Variants in RBM27 observed in about 807,000 individuals in gnomAD.
RBM27 encodes RNA-binding protein 27.
A neutral mutation model predicts 135.3 loss-of-function variants in RBM27; 22 were observed. The ratio of observed to expected loss-of-function variants is 0.16; its 90% CI spans 0.12 to 0.23. The LOEUF (loss-of-function observed/expected upper bound fraction) is 0.23. RBM27 is among the 10% of genes least tolerant of loss of function. RBM27 has a pLI of 1.00. For synonymous variants in RBM27, 481 were observed against 442.4 expected (o/e 1.09, Z -1.10); for missense variants, 1,009 against 1,281.0 (o/e 0.79, Z 3.24).
At chr5:146,239,533 A>G (rs899157301) in intron 8 of RBM27, among the ~76,000 whole-genome samples, 4 of 131,870 alleles carry the variant, frequency 3.0e-5, no homozygotes, top group Non-Finnish European at 4.6e-5. Context: ...GCTGGAGTAC[A>G]GTGGTGCAAT....
chr5:146,235,026 T>C (rs1006109539), intron 7 of RBM27, among the ~76,000 whole-genome samples: 9 of 70,340 alleles, frequency 1.3e-4, no homozygotes, highest in Admixed American at 4.6e-4. Context: ...AGCCAGACCC[T>C]GTCTCAAAAA....
At chr5:146,261,008 C>T in intron 12 of RBM27, 110 bp downstream of exon 12, 1 of 1,091,908 alleles carries the variant, frequency 9.2e-7, no homozygotes, top group Non-Finnish European at 1.3e-6. Context: ...ATCATCTCTG[C>T]TAAGTGCTGT....
intron 17 of RBM27, 94 bp downstream of exon 17, chr5:146,269,678 A>G (rs1758777661): frequency 1.0e-5 from 8 of 789,510 alleles, no homozygotes; most frequent in African/African-American, 1.8e-5. Flanking sequence ...TAGGTAGCTA[A>G]TATCCTAACA....
intron 17 of RBM27, 105 bp from the exon 18 acceptor site, chr5:146,270,849 T>A (rs1561563794): frequency 2.2e-5 from 15 of 681,544 alleles, no homozygotes; most frequent in Non-Finnish European, 3.7e-5. Flanking sequence ...ATCCTCTCAT[T>A]CTCATGTTCC....
intron 1 of RBM27, among the ~76,000 whole-genome samples, chr5:146,209,963 T>C (rs1310028800): frequency 6.6e-6 from 1 of 152,214 alleles, no homozygotes; most frequent in Non-Finnish European, 1.5e-5. Context: ...AACTATAGGC[T>C]AAAGCCAGAA....
chr5:146,234,654 A>C (rs971101050), intron 7 of RBM27, among the ~76,000 whole-genome samples: 2 of 152,218 alleles, frequency 1.3e-5, no homozygotes, highest in Non-Finnish European at 1.5e-5. Flanking sequence ...ATTTTTAAAA[A>C]GTAATTGAAA....
At position 146,233,562 on chromosome 5, in the gene RBM27, T is replaced by G; in HGVS notation, c.963T>G (p.Pro321=). 1 of 1,611,236 alleles carries G rather than the reference T, an allele frequency of 6.2e-7. No homozygotes were observed. ...TGATTCCTTTCCCACCCCCTCCTCC[T>G]GGGCTTCCTCCTCCACCACCTCCTG... ...PSMIPFPPPP[P]GLPPPPPPGM... is the part of the protein sequence containing the mutation. The change falls in exon 7 of 21, where the codon CCT becomes CCG. Residue 321 remains proline, a synonymous_variant. Coordinates refer to ENST00000265271, the MANE Select transcript of RBM27 (RefSeq NM_018989.2).
chr5:146,264,105 C>CAAAA (rs377296275), intron 14 of RBM27, among the ~76,000 whole-genome samples: 1 of 122,844 alleles, frequency 8.1e-6, no homozygotes, highest in Non-Finnish European at 1.8e-5. Flanking sequence ...GACCCTGTGT[C>CAAAA]AAAAAAAAAA....
chr5:146,227,381 G>A (rs1248985774), intron 3 of RBM27, among the ~76,000 whole-genome samples: 1 of 152,166 alleles, frequency 6.6e-6, no homozygotes, highest in Non-Finnish European at 1.5e-5. Flanking sequence ...TTAGGATAGA[G>A]AATGTTTTTT....
chr5:146,239,412 T>G (rs1186974644), intron 8 of RBM27, among the ~76,000 whole-genome samples: 2 of 151,944 alleles, frequency 1.3e-5, no homozygotes, highest in Non-Finnish European at 2.9e-5. Flanking sequence ...CTACCATTTC[T>G]TTCTGAGCCA....
intron 7 of RBM27, among the ~76,000 whole-genome samples, chr5:146,235,562 A>T (rs1757121554): frequency 6.6e-6 from 1 of 152,214 alleles, no homozygotes; most frequent in Admixed American, 6.5e-5. Flanking sequence ...TCTCAAAAAA[A>T]TTAAAGAATA....
intron 9 of RBM27, among the ~76,000 whole-genome samples, chr5:146,252,357 A>C (rs954744640): frequency 1.1e-4 from 16 of 152,104 alleles, no homozygotes; most frequent in African/African-American, 3.6e-4. Context: ...ACGTATTTTG[A>C]AGGATCTGTG....
At chr5:146,270,534 C>T (rs1758818467) in intron 17 of RBM27, among the ~76,000 whole-genome samples, 1 of 151,968 alleles carries the variant, frequency 6.6e-6, no homozygotes, top group African/African-American at 2.4e-5. Flanking sequence ...ATAAATAATT[C>T]GTCTCTAACA....
chr5:146,251,055 G>A (rs1164063148), intron 8 of RBM27, among the ~76,000 whole-genome samples: 2 of 96,678 alleles, frequency 2.1e-5, no homozygotes, highest in Non-Finnish European at 2.7e-5. Context: ...GATTACAGGC[G>A]TGAGCCACGT....
chr5:146,259,526 A>G (rs1278611884), intron 11 of RBM27, among the ~76,000 whole-genome samples: 1 of 150,868 alleles, frequency 6.6e-6, no homozygotes, highest in East Asian at 1.9e-4. Flanking sequence ...AAAAAAAAAA[A>G]AGGTGGTGTT....
At chr5:146,227,519 G>C (rs1245341119) in intron 3 of RBM27, among the ~76,000 whole-genome samples, 1 of 152,028 alleles carries the variant, frequency 6.6e-6, no homozygotes, top group African/African-American at 2.4e-5. Context: ...TTCCTGATTT[G>C]TGTATTTGTC....
chr5:146,208,931 A>C, intron 1 of RBM27, among the ~76,000 whole-genome samples: 1 of 152,212 alleles, frequency 6.6e-6, no homozygotes, highest in East Asian at 1.9e-4. Context: ...TGTTTTAAAA[A>C]GCATGGTGGG....
chr5:146,223,861 A>G (rs2126725289), intron 3 of RBM27, among the ~76,000 whole-genome samples: 1 of 152,370 alleles, frequency 6.6e-6, no homozygotes, highest in East Asian at 1.9e-4. Flanking sequence ...AGAAATCATT[A>G]GGTAACACAT....
Position 146,233,648 on chromosome 5 carries a change from G to A in RBM27, c.1049G>A (p.Gly350Asp). ...GGCCCGGGCCCAGGTCCAGGCCCAG[G>A]CCCGGGCCCAGGTCCAGGTCCTGGC... ...GPGPGPGPGP[G>D]PGPGPGPGHS... The change falls in exon 7 of 21, where the codon GGC (glycine) becomes GAC (aspartate). Residue 350 changes from glycine to aspartate, a missense_variant. Gly to Asp is a moderately conservative substitution (Grantham distance 94). Transcript: ENST00000265271. 6.4e-7 allele frequency: 1 copy of A among 1,565,114 alleles called. No individual in the cohort carries two copies. The highest frequency in any genetic ancestry group is 8.6e-7 in the Non-Finnish European group (1 of 1,164,680).
Sources: allele counts gnomAD v4.1 joint callset (sites outside exome capture counted in the v4.1 genomes callset), GRCh38; gene constraint gnomAD v4.1.1; transcripts MANE v1.5; gene names NCBI Gene and HGNC (gene_info 2026-07-23, HGNC 2026-07-21).